The following TMEM144 variants were observed in gnomAD, a reference collection of about 807,000 sequenced individuals.
TMEM144 encodes the protein transmembrane protein 144.
A neutral mutation model predicts 43.6 loss-of-function variants in TMEM144; 39 were observed. That is an observed-to-expected ratio of 0.90 (90% confidence interval 0.69 to 1.17). The LOEUF (loss-of-function observed/expected upper bound fraction) is 1.17, where lower values mean the gene tolerates loss of function less well. TMEM144 is among the 50% of genes most tolerant of loss of function. The pLI, the probability that TMEM144 is intolerant of heterozygous loss-of-function variation, is 0.00. For synonymous variants in TMEM144, 154 were observed against 133.6 expected (o/e 1.15, Z -1.06); for missense variants, 417 against 411.9 (o/e 1.01, Z -0.11).
In TMEM144 at chr4:158,253,785, T is replaced by A. The variant is rs1736338166; in HGVS notation, c.*258T>A. ...TACTGGGTGACTAAAATGTCTACAT[T>A]ATTATAGCATTACATACGAGGATGC... On this transcript the variant is annotated 3_prime_UTR_variant, in exon 13 of 13. Transcript: ENST00000296529. 2.3e-6 allele frequency: 1 copy of A among 433,476 alleles called. No homozygotes were observed. Among genetic ancestry groups the A allele is most frequent in the Non-Finnish European group, 4.2e-6 (1 of 237,440 alleles). 26.9% of individuals were successfully genotyped at this position (433,476 alleles called of 1,614,324 possible). A position where few individuals can be genotyped will look rare whatever the true frequency, so the allele number is the denominator to read the frequency against.
chr4:158,233,052 T>C, intron 7 of TMEM144, 70 bp downstream of exon 7: 1 of 1,210,678 alleles, frequency 8.3e-7, no homozygotes. Context: ...ACATAAATTT[T>C]AAACACAGAT....
At chr4:158,252,238 G>A (rs969320931) in intron 12 of TMEM144, among the ~76,000 whole-genome samples, 6 of 152,100 alleles carry the variant, frequency 3.9e-5, no homozygotes, top group African/African-American at 1.4e-4. Flanking sequence ...ACAGAGAAGT[G>A]GTTCTCAGTA....
At chr4:158,249,932 G>GTGTGTGTGTGTT (rs1736108118) in intron 12 of TMEM144, among the ~76,000 whole-genome samples, 1 of 123,524 alleles carries the variant, frequency 8.1e-6, no homozygotes, top group African/African-American at 3.0e-5. Context: ...GTGTGTGTGT[G>GTGTGTGTGTGTT]TTTAAATAAG....
At position 158,219,315 on chromosome 4, in the gene TMEM144, G is replaced by A; in HGVS notation, c.338G>A (p.Gly113Asp). 6.2e-7 allele frequency: 1 copy of A among 1,613,726 alleles called. No individual in the cohort carries two copies. ...GTGACTTTCTGGATTTTCAGGTTTG[G>A]CTGGTTTGGATTGGATGCAGAAGAA... ...ALTGWASSRFGWFGLDAEEVS... is the reference protein window; with the variant it reads ...ALTGWASSRFDWFGLDAEEVS... The change falls in exon 6 of 13, where the codon GGC becomes GAC. Residue 113 changes from glycine to aspartate, a missense_variant. By Grantham distance (94) the Gly-to-Asp change is moderately conservative. Transcript: ENST00000296529.
intron 12 of TMEM144, among the ~76,000 whole-genome samples, chr4:158,244,771 C>T (rs1318292843): frequency 6.6e-6 from 1 of 152,124 alleles, no homozygotes; most frequent in Non-Finnish European, 1.5e-5. Context: ...CCAGGGCCAA[C>T]AACTCATGAA....
chr4:158,214,059 T>C (rs1317713638), intron 3 of TMEM144: 1 of 152,142 alleles, frequency 6.6e-6, no homozygotes, highest in Non-Finnish European at 1.5e-5. Flanking sequence ...TTTGGGGAGA[T>C]AGAGTCTCAC....
intron 6 of TMEM144, among the ~76,000 whole-genome samples, chr4:158,219,988 C>G (rs1734432522): frequency 6.6e-6 from 1 of 152,220 alleles, no homozygotes; most frequent in Admixed American, 6.5e-5. Flanking sequence ...TGGCAGTGTT[C>G]AGTCCATAAA....
chr4:158,240,270 G>GT (rs1735563284), intron 9 of TMEM144, 29 bp from the exon 10 acceptor site: 1 of 1,589,778 alleles, frequency 6.3e-7, no homozygotes, highest in Non-Finnish European at 8.5e-7. Flanking sequence ...TTAAAATGGT[G>GT]TTTGAGAGTT....
At chr4:158,221,902 GTTCCT>G (rs1019784041) in intron 6 of TMEM144, among the ~76,000 whole-genome samples, 4 of 152,270 alleles carry the variant, frequency 2.6e-5, no homozygotes, top group Non-Finnish European at 5.9e-5. Context: ...TAAACCATTT[GTTCCT>G]TTCTCTTTGC....
intron 7 of TMEM144, chr4:158,235,022 G>C (rs1735270364): frequency 6.5e-6 from 1 of 153,868 alleles, no homozygotes; most frequent in Non-Finnish European, 1.4e-5. Context: ...ACATGGCTTG[G>C]AATGTTTTAT....
Position 158,215,328 on chromosome 4 carries a change from A to G in TMEM144, c.232+15A>G, listed in dbSNP as rs763138294. ...TTGGGCAACAGGTAATGTCTGATAT[A>G]ACTTATACTTTTATTATGTAACATA... On this transcript the variant is annotated intron_variant, in intron 4 of 12. Coordinates refer to ENST00000296529, the MANE Select transcript of TMEM144 (RefSeq NM_018342.5). The G allele has an allele frequency of 6.2e-7, 1 of 1,611,308 alleles. No individual in the cohort carries two copies. Among genetic ancestry groups the G allele is most frequent in the East Asian group, 2.2e-5 (1 of 44,830 alleles).
chr4:158,248,464 T>C (rs1369700271), intron 12 of TMEM144, among the ~76,000 whole-genome samples: 3 of 152,070 alleles, frequency 2.0e-5, no homozygotes, highest in Non-Finnish European at 4.4e-5. Flanking sequence ...AAAAATCTTA[T>C]ATGTCATCTA....
intron 7 of TMEM144, 130 bp downstream of exon 7, chr4:158,233,112 T>G: frequency 1.5e-6 from 1 of 645,280 alleles, no homozygotes; most frequent in Non-Finnish European, 2.6e-6. Context: ...ATATCTTAGC[T>G]TATTTATTAT....
chr4:158,235,655 T>G, intron 8 of TMEM144, 150 bp downstream of exon 8: 2 of 683,422 alleles, frequency 2.9e-6, no homozygotes, highest in East Asian at 5.9e-5. Context: ...GGTTTTTTTG[T>G]CCCCAGCTGA....
At position 158,215,206 on chromosome 4, in the gene TMEM144, G is replaced by A. The variant is rs1179044439; in HGVS notation, c.125G>A (p.Trp42Ter). 5 of 1,613,618 alleles carry A rather than the reference G, an allele frequency of 3.1e-6. No individual in the cohort carries two copies. In the African/African-American group the frequency reaches 4.0e-5, roughly 13 times the overall value. ...FDTGDGMFLQ[W>*]VLCAAIWLVA... Reference sequence around the variant, plus strand: ...TTATTTCTAGGAATGTTTCTCCAGTGGGTTCTTTGTGCTGCCATATGGTTG... The same window carrying A: ...TTATTTCTAGGAATGTTTCTCCAGTAGGTTCTTTGTGCTGCCATATGGTTG... The change falls in exon 4 of 13, where the codon TGG becomes TAG. Residue 42 changes from tryptophan (W) to a stop codon, truncating the protein, a stop_gained. Transcript: ENST00000296529. LOFTEE classifies it high-confidence loss of function.
At chr4:158,225,972 G>T (rs1734745261) in intron 6 of TMEM144, among the ~76,000 whole-genome samples, 1 of 152,236 alleles carries the variant, frequency 6.6e-6, no homozygotes, top group African/African-American at 2.4e-5. Context: ...CTACCATGCA[G>T]CCTATGCCTG....
At position 158,235,433 on chromosome 4, in the gene TMEM144, A is replaced by G. The variant is rs767728317; in HGVS notation, c.496-5A>G. On this transcript the variant is annotated splice_polypyrimidine_tract_variant and splice_region_variant and intron_variant, in intron 7 of 12. Coordinates refer to ENST00000296529, the MANE Select transcript of TMEM144 (RefSeq NM_018342.5). ...TGTTTTAATTTGGGCCAATGTTTTC[A>G]ATAGGTGATCAACACAACCCAAGAC... 3 of 1,613,668 alleles carry G rather than the reference A, an allele frequency of 1.9e-6. No homozygotes were observed. The South Asian group carries it at 3.3e-5, about 18-fold the overall frequency.
intron 11 of TMEM144, among the ~76,000 whole-genome samples, chr4:158,243,802 T>C (rs1188199433): frequency 6.6e-6 from 1 of 152,216 alleles, no homozygotes; most frequent in African/African-American, 2.4e-5. Flanking sequence ...GATTGCTCTG[T>C]AGTAATATCA....
chr4:158,218,010 G>A (rs977437199), intron 5 of TMEM144, among the ~76,000 whole-genome samples: 2 of 152,150 alleles, frequency 1.3e-5, no homozygotes, highest in African/African-American at 4.8e-5. Flanking sequence ...GCAGAGTTGA[G>A]CAGCAAGGGA....
Sources: gnomAD v4.1 joint callset for allele counts (sites outside exome capture counted in the v4.1 genomes callset) on GRCh38, gnomAD v4.1.1 for gene constraint, MANE v1.5 for transcripts, NCBI Gene and HGNC (gene_info 2026-07-23, HGNC 2026-07-21) for gene names.